MYO16: variants seen among roughly 807,000 people sequenced by gnomAD.
MYO16 encodes unconventional myosin-XVI.
A neutral mutation model predicts 205.3 loss-of-function variants in MYO16; 94 were observed. That is an observed-to-expected ratio of 0.46 (90% CI 0.39 to 0.54). The LOEUF (loss-of-function observed/expected upper bound fraction) is 0.54. MYO16 is among the 20% of genes least tolerant of loss of function. The probability of loss-of-function intolerance (pLI) is 0.00; values close to 1 mark genes in which losing one functional copy is unlikely to be tolerated. For missense variants in MYO16, 2,315 were observed against 2,387.5 expected (o/e 0.97, Z 0.63); for synonymous variants, 988 against 954.0 (o/e 1.04, Z -0.66).
chr13:108,650,403 T>C (rs1880945937), intron 1 of MYO16, among the ~76,000 whole-genome samples: 1 of 152,222 alleles, frequency 6.6e-6, no homozygotes, highest in African/African-American at 2.4e-5. Flanking sequence ...TCTGTTTCTA[T>C]AGGAGGGAAT....
intron 27 of MYO16, among the ~76,000 whole-genome samples, chr13:109,098,179 A>G (rs535909786): frequency 7.3e-6 from 1 of 136,696 alleles, no homozygotes; most frequent in African/African-American, 2.7e-5. Context: ...CTGTGTTCTC[A>G]CATGGTGTTA....
chr13:108,725,608 C>G (rs1004922013), intron 3 of MYO16, among the ~76,000 whole-genome samples: 1 of 152,094 alleles, frequency 6.6e-6, no homozygotes, highest in African/African-American at 2.4e-5. Flanking sequence ...GAACAGGCAC[C>G]GTTTCTTGCA....
intron 34 of MYO16, among the ~76,000 whole-genome samples, chr13:109,187,166 T>C (rs1039954099): frequency 6.6e-6 from 1 of 152,204 alleles, no homozygotes; most frequent in Non-Finnish European, 1.5e-5. Context: ...CCTTTTCTTA[T>C]TTCCCAACTT....
At chr13:108,617,253 G>A (rs1879380593) in intron 1 of MYO16, among the ~76,000 whole-genome samples, 1 of 152,176 alleles carries the variant, frequency 6.6e-6, no homozygotes, top group South Asian at 2.1e-4. Context: ...ATGCAGCCCT[G>A]TTTGATGGGA....
At chr13:108,913,426 C>A (rs1182886384) in intron 16 of MYO16, among the ~76,000 whole-genome samples, 5 of 152,106 alleles carry the variant, frequency 3.3e-5, no homozygotes, top group Admixed American at 3.3e-4. Context: ...CTCACTTTTG[C>A]AATGTCGGTT....
intron 13 of MYO16, 122 bp from the exon 14 acceptor site, chr13:108,888,250 C>T (rs913667132): frequency 7.9e-5 from 49 of 622,772 alleles, no homozygotes; most frequent in Non-Finnish European, 3.6e-5. Context: ...ATTTCTGTGT[C>T]TGAGAAATAT....
At chr13:108,994,744 C>G (rs982735127) in intron 21 of MYO16, among the ~76,000 whole-genome samples, 3 of 152,114 alleles carry the variant, frequency 2.0e-5, no homozygotes, top group Non-Finnish European at 2.9e-5. Context: ...GAAATTGTGT[C>G]TGTGCTTTGT....
intron 4 of MYO16, among the ~76,000 whole-genome samples, chr13:108,768,150 G>T (rs1027996153): frequency 1.3e-5 from 2 of 152,108 alleles, no homozygotes; most frequent in African/African-American, 4.8e-5. Flanking sequence ...TATGCCATGT[G>T]TCATCTTCTC....
chr13:108,544,572 A>G, the MYO16 span, among the ~76,000 whole-genome samples: 1 of 152,232 alleles, frequency 6.6e-6, no homozygotes, highest in Non-Finnish European at 1.5e-5. Context: ...TTACATAGTT[A>G]TAAAAGGTTA....
At chr13:108,550,729 T>C in the MYO16 span, among the ~76,000 whole-genome samples, 1 of 152,206 alleles carries the variant, frequency 6.6e-6, no homozygotes, top group Non-Finnish European at 1.5e-5. Context: ...TATCCCTCTC[T>C]TTTGGAAAAA....
At chr13:108,761,838 C>G (rs529208198) in intron 4 of MYO16, among the ~76,000 whole-genome samples, 1 of 152,278 alleles carries the variant, frequency 6.6e-6, no homozygotes, top group East Asian at 1.9e-4. Context: ...TAACTAGACT[C>G]TTCTGGTAAG....
chr13:108,630,383 G>A (rs1486795407), intron 1 of MYO16, among the ~76,000 whole-genome samples: 1 of 152,190 alleles, frequency 6.6e-6, no homozygotes, highest in Non-Finnish European at 1.5e-5. Flanking sequence ...ACCTTGCGGT[G>A]CTTAGGGACT....
intron 9 of MYO16, among the ~76,000 whole-genome samples, chr13:108,840,775 A>G (rs1877203123): frequency 6.6e-6 from 1 of 152,194 alleles, no homozygotes; most frequent in Non-Finnish European, 1.5e-5. Context: ...GACTTAAGCA[A>G]TCCTTCTACA....
chr13:108,738,443 G>T (rs532150838), intron 4 of MYO16, among the ~76,000 whole-genome samples: 1 of 152,050 alleles, frequency 6.6e-6, no homozygotes, highest in Non-Finnish European at 1.5e-5. Context: ...GTAGTTGAGC[G>T]GTTTTGAGTG....
chr13:108,558,686 G>A, the MYO16 span, among the ~76,000 whole-genome samples: 5 of 152,136 alleles, frequency 3.3e-5, no homozygotes, highest in African/African-American at 7.2e-5. Context: ...AGAGCTGTCT[G>A]CCCTTGCTCC....
chr13:109,048,319 C>T, intron 24 of MYO16: 1 of 734,362 alleles, frequency 1.4e-6, no homozygotes, highest in Non-Finnish European at 2.5e-6. Context: ...ACAATTCAGT[C>T]TTTTTTTTTA....
At chr13:108,572,403 T>C in the MYO16 span, among the ~76,000 whole-genome samples, 1 of 139,198 alleles carries the variant, frequency 7.2e-6, no homozygotes, top group Non-Finnish European at 1.6e-5. Flanking sequence ...AAAAATACAA[T>C]TTCTAATGTT....
chr13:108,825,577 G>A (rs1229325724), intron 9 of MYO16, among the ~76,000 whole-genome samples: 2 of 103,940 alleles, frequency 1.9e-5, no homozygotes, highest in South Asian at 6.7e-4. Flanking sequence ...AACCTAGCAA[G>A]AAAATAAATA....
At position 108,793,597 on chromosome 13, in the gene MYO16, C is replaced by A. The variant is rs1024829579; in HGVS notation, c.698C>A (p.Ser233Tyr). 6 of 1,613,644 alleles carry A rather than the reference C, an allele frequency of 3.7e-6. No homozygotes were observed. In the African/African-American group the frequency reaches 6.7e-5, roughly 18 times the overall value. The change falls in exon 6 of 35, where the codon TCT (serine) becomes TAT (tyrosine). Residue 233 changes from serine to tyrosine, a missense_variant. Around this residue, in one of 3 missense-constraint regions of MYO16, gnomAD observed 1,213 missense variants for 1,274.4 expected, o/e 0.95. Transcript: ENST00000457511. ...ACAGATGTCAAACACTTCTTATCAT[C>A]TGGAGGAAATGTCAATGAGAAAAAC... ...MLTDVKHFLS[S>Y]GGNVNEKNDE...
Sources: allele counts gnomAD v4.1 joint callset (sites outside exome capture counted in the v4.1 genomes callset), GRCh38; gene constraint gnomAD v4.1.1; regional missense constraint gnomAD v4.1.1; transcripts MANE v1.5; gene names NCBI Gene and HGNC (gene_info 2026-07-23, HGNC 2026-07-21).